Variants in EIF2B3 observed in about 807,000 individuals in gnomAD.
EIF2B3 encodes eukaryotic translation initiation factor 2B subunit gamma, also known as translation initiation factor eIF2B subunit gamma.
A neutral mutation model predicts 54.1 loss-of-function variants in EIF2B3; 20 were observed. The observed-to-expected ratio is 0.37, with a 90% confidence interval of 0.26 to 0.54. The LOEUF is 0.54. Ranked by LOEUF, EIF2B3 falls within the 20% of genes least tolerant of loss-of-function variation. EIF2B3 has a pLI of 0.86. For missense variants in EIF2B3, 448 were observed against 547.8 expected (o/e 0.82, Z 1.82); for synonymous variants, 153 against 188.1 (o/e 0.81, Z 1.52).
intron 4 of EIF2B3, among the ~76,000 whole-genome samples, chr1:44,933,738 G>A (rs781676188): frequency 2.0e-5 from 3 of 152,068 alleles, no homozygotes; most frequent in Non-Finnish European, 4.4e-5. Context: ...ATGTTATCTC[G>A]AGCAACTGTC....
chr1:44,906,452 G>A (rs182879282), intron 5 of EIF2B3, among the ~76,000 whole-genome samples: 1 of 152,232 alleles, frequency 6.6e-6, no homozygotes, highest in African/African-American at 2.4e-5. Flanking sequence ...CCAGGCTGGA[G>A]TGCAGTGGCA....
Position 44,934,594 on chromosome 1 carries a change from T to G in EIF2B3, c.454+6912A>C, listed in dbSNP as rs998701526. Among the ~76,000 whole-genome samples the G allele has an allele frequency of 3.8e-4, 58 of 151,978 alleles. 1 individual carries two copies. The highest frequency in any genetic ancestry group is 5.2e-4 in the Admixed American group (8 of 15,260). On this transcript the variant is annotated intron_variant, in intron 4 of 11. Coordinates refer to ENST00000360403, the MANE Select transcript of EIF2B3 (RefSeq NM_020365.5). Reference sequence around the variant, plus strand: ...ATCCCAGCTCACTACAACCTCCACCTCCCAGGTTCAAGCAATTCTCCTGCC... The same window carrying G: ...ATCCCAGCTCACTACAACCTCCACCGCCCAGGTTCAAGCAATTCTCCTGCC...
At chr1:44,980,212 C>G (rs924006746) in intron 2 of EIF2B3, among the ~76,000 whole-genome samples, 2 of 152,148 alleles carry the variant, frequency 1.3e-5, no homozygotes, top group African/African-American at 4.8e-5. Flanking sequence ...TGCCTGTAAT[C>G]CCAGCACTTT....
rs565582104 is a variant in EIF2B3 at position 44,873,931 on chromosome 1, T to A, written c.1202+747A>T. ...TCCCAAAATGCTGGGATTACAGGCATGAGCCACTGTGCCGGGCCAGAAGTG... is the reference window on the plus strand; with the variant it reads ...TCCCAAAATGCTGGGATTACAGGCAAGAGCCACTGTGCCGGGCCAGAAGTG... On this transcript the variant is annotated intron_variant, in intron 10 of 11. Transcript: ENST00000360403. 3.3e-5 allele frequency among the ~76,000 whole-genome samples: 5 copies of A among 152,210 alleles called. No individual in the cohort carries two copies. The East Asian group carries it at 9.7e-4, about 29-fold the overall frequency.
At chr1:44,921,555 G>C (rs1643738548) in intron 5 of EIF2B3, among the ~76,000 whole-genome samples, 1 of 152,150 alleles carries the variant, frequency 6.6e-6, no homozygotes, top group Non-Finnish European at 1.5e-5. Context: ...ATTTTTATTT[G>C]ATTTTTGTAT....
intron 5 of EIF2B3, among the ~76,000 whole-genome samples, chr1:44,920,266 G>A (rs900770046): frequency 4.0e-5 from 6 of 151,830 alleles, no homozygotes; most frequent in African/African-American, 1.4e-4. Context: ...TACATGCTAG[G>A]TACATACACT....
intron 3 of EIF2B3, among the ~76,000 whole-genome samples, chr1:44,945,740 A>C (rs557182530): frequency 2.5e-4 from 38 of 152,320 alleles, no homozygotes; most frequent in South Asian, 1.9e-3. Context: ...TCATTACTAA[A>C]GACATTCACA....
At chr1:44,971,654 G>C (rs264001) in intron 3 of EIF2B3, among the ~76,000 whole-genome samples, 1 of 152,120 alleles carries the variant, frequency 6.6e-6, no homozygotes, top group East Asian at 1.9e-4. Context: ...ATACAGCTCT[G>C]AGAAGACCAC....
chr1:44,966,821 A>T (rs1644346188), intron 3 of EIF2B3, among the ~76,000 whole-genome samples: 1 of 152,100 alleles, frequency 6.6e-6, no homozygotes, highest in Non-Finnish European at 1.5e-5. Context: ...AAATCCATAG[A>T]CTAATATTTC....
intron 3 of EIF2B3, among the ~76,000 whole-genome samples, chr1:44,942,418 T>TACACACATATATA (rs1553177413): frequency 1.2e-4 from 1 of 8,102 alleles, no homozygotes; most frequent in Non-Finnish European, 2.1e-4. Context: ...TATATATATA[T>TACACACATATATA]TTTTTTTTTT....
At chr1:44,890,468 G>A (rs892289510) in intron 6 of EIF2B3, among the ~76,000 whole-genome samples, 3 of 152,062 alleles carry the variant, frequency 2.0e-5, no homozygotes, top group South Asian at 2.1e-4. Flanking sequence ...AATAAAAACT[G>A]TAATGCCTTT....
intron 3 of EIF2B3, among the ~76,000 whole-genome samples, chr1:44,945,282 CG>C (rs1402569980): frequency 6.6e-6 from 1 of 151,628 alleles, no homozygotes; most frequent in Non-Finnish European, 1.5e-5. Flanking sequence ...CCACTGGGCG[CG>C]GTGGCTCACA....
Position 44,850,852 on chromosome 1 carries a change from C to A in EIF2B3, c.*99G>T. 1 of 1,383,068 alleles carries A rather than the reference C, an allele frequency of 7.2e-7. No homozygotes were observed. Among genetic ancestry groups the A allele is most frequent in the African/African-American group, 1.4e-5 (1 of 70,246 alleles). The allele number at this position is 1,383,068 out of a possible 1,614,324, so 85.7% of individuals were successfully genotyped here. A position where few individuals can be genotyped will look rare whatever the true frequency, so the allele number is the denominator to read the frequency against. Reference sequence around the variant, plus strand: ...CAAGTCTCCAGCATGCCTTTGGAAGCCCTTCTTTATTGGGAAATAAATACA... The same window carrying A: ...CAAGTCTCCAGCATGCCTTTGGAAGACCTTCTTTATTGGGAAATAAATACA... On this transcript the variant is annotated 3_prime_UTR_variant, in exon 12 of 12. Coordinates refer to ENST00000360403, the MANE Select transcript of EIF2B3 (RefSeq NM_020365.5).
chr1:44,888,473 A>ATCTCTCTCTCTCTCTCTCTC (rs3044260), intron 6 of EIF2B3, among the ~76,000 whole-genome samples: 90 of 144,520 alleles, frequency 6.2e-4, no homozygotes, highest in African/African-American at 2.2e-3. Flanking sequence ...TGGCTTCTCA[A>ATCTCTCTCTCTCTCTCTCTC]TCTCTCTCTC....
chr1:44,937,880 T>A lies in EIF2B3; in HGVS notation c.454+3626A>T, dbSNP rs548382963. ...GCCTGGGCGACAGAGCGAGACTCCG[T>A]CTCAAAAAAAAAAAAAAAAAAAAAA... On this transcript the variant is annotated intron_variant, in intron 4 of 11. Coordinates refer to ENST00000360403, the MANE Select transcript of EIF2B3 (RefSeq NM_020365.5). 4.4e-3 allele frequency among the ~76,000 whole-genome samples: 250 copies of A among 56,724 alleles called. 1 individual carries two copies. Among genetic ancestry groups the A allele is most frequent in the African/African-American group, 0.017 (234 of 13,656 alleles). 37.2% of individuals were successfully genotyped at this position (56,724 alleles called of 152,430 possible).
At chr1:44,984,797 C>CATTTTTTTTTTTTTTTTTTT (rs1644552636) in intron 1 of EIF2B3, among the ~76,000 whole-genome samples, 1 of 88,576 alleles carries the variant, frequency 1.1e-5, no homozygotes, top group East Asian at 8.0e-4. Flanking sequence ...TAATGTCCAT[C>CATTTTTTTTTTTTTTTTTTT]TTTTTTTTTT....
At chr1:44,971,373 A>G (rs1267928692) in intron 3 of EIF2B3, among the ~76,000 whole-genome samples, 14 of 40,470 alleles carry the variant, frequency 3.5e-4, no homozygotes, top group Non-Finnish European at 4.5e-4. Flanking sequence ...CCGTCTCCAG[A>G]AAAAAAAAAA....
chr1:44,853,350 C>T (rs1267955495), intron 11 of EIF2B3, among the ~76,000 whole-genome samples: 1 of 152,092 alleles, frequency 6.6e-6, no homozygotes, highest in Admixed American at 6.6e-5. Flanking sequence ...GTGGCTCGCT[C>T]CTGCAATCCA....
chr1:44,957,870 C>T (rs1423650012), intron 3 of EIF2B3, among the ~76,000 whole-genome samples: 1 of 152,168 alleles, frequency 6.6e-6, no homozygotes, highest in Non-Finnish European at 1.5e-5. Flanking sequence ...TATATTGTTG[C>T]TAGGAATGCT....
Sources: allele counts gnomAD v4.1 joint callset (sites outside exome capture counted in the v4.1 genomes callset), GRCh38; gene constraint gnomAD v4.1.1; transcripts MANE v1.5; gene names NCBI Gene and HGNC (gene_info 2026-07-23, HGNC 2026-07-21).